Variants in ZNF804B observed in about 807,000 individuals in gnomAD.
ZNF804B encodes zinc finger 804B.
ZNF804B carries 80 observed loss-of-function variants against 101.4 expected under a neutral mutation model. That is an observed-to-expected ratio of 0.79 (90% CI 0.66 to 0.95). The LOEUF is 0.95. Among genes scored for constraint, ZNF804B ranks in the 40% least tolerant of loss-of-function variants. The pLI, the probability that ZNF804B is intolerant of heterozygous loss-of-function variation, is 0.00. For synonymous variants in ZNF804B, 622 were observed against 558.8 expected, an observed-to-expected ratio of 1.11 and a Z score of -1.59; for missense variants, 1,673 against 1,561.9, an observed-to-expected ratio of 1.07 and a Z score of -1.20.
intron 1 of ZNF804B, among the ~76,000 whole-genome samples, chr7:88,791,190 C>G (rs1047157874): frequency 6.6e-6 from 1 of 151,990 alleles, no homozygotes; most frequent in Non-Finnish European, 1.5e-5. Context: ...TTTAAGCTCC[C>G]TTTGATTTAT....
At chr7:88,952,925 T>C (rs1252505399) in intron 1 of ZNF804B, among the ~76,000 whole-genome samples, 4 of 151,754 alleles carry the variant, frequency 2.6e-5, no homozygotes, top group African/African-American at 9.7e-5. Context: ...TGGTACCTGA[T>C]TGATTTGCAA....
At chr7:89,256,095 A>C (rs1267555508) in intron 2 of ZNF804B, among the ~76,000 whole-genome samples, 2 of 152,348 alleles carry the variant, frequency 1.3e-5, no homozygotes, top group South Asian at 2.1e-4. Context: ...ATTTTTCTTA[A>C]AATAATTTAG....
chr7:88,820,199 A>G (rs549535698), intron 1 of ZNF804B, among the ~76,000 whole-genome samples: 5 of 152,338 alleles, frequency 3.3e-5, no homozygotes, highest in South Asian at 2.1e-4. Context: ...CTTTTGTAGG[A>G]TACAGCCAGC....
At chr7:88,967,029 G>C (rs1001706548) in intron 1 of ZNF804B, among the ~76,000 whole-genome samples, 8 of 151,088 alleles carry the variant, frequency 5.3e-5, no homozygotes, top group African/African-American at 1.2e-4. Flanking sequence ...GAAACACCAG[G>C]CTTTTAAATG....
At chr7:88,910,129 A>G (rs944430421) in intron 1 of ZNF804B, among the ~76,000 whole-genome samples, 6 of 151,942 alleles carry the variant, frequency 3.9e-5, no homozygotes, top group Non-Finnish European at 7.4e-5. Context: ...CATACAGGTA[A>G]ACTGTGGAGA....
At chr7:89,136,732 TGTGA>T (rs1163216995) in intron 1 of ZNF804B, among the ~76,000 whole-genome samples, 3 of 114,244 alleles carry the variant, frequency 2.6e-5, no homozygotes, top group Non-Finnish European at 5.1e-5. Flanking sequence ...TTTGTGTGTG[TGTGA>T]GTGTGTGTGT....
chr7:88,987,273 A>G (rs1456466822), intron 1 of ZNF804B, among the ~76,000 whole-genome samples: 1 of 152,148 alleles, frequency 6.6e-6, no homozygotes, highest in African/African-American at 2.4e-5. Flanking sequence ...AAAATTGTTA[A>G]AACCAAGATT....
At chr7:89,187,128 A>G (rs1348680560) in intron 1 of ZNF804B, among the ~76,000 whole-genome samples, 1 of 152,130 alleles carries the variant, frequency 6.6e-6, no homozygotes, top group East Asian at 1.9e-4. Flanking sequence ...CTTAATCTTT[A>G]ACACTAGACT....
intron 1 of ZNF804B, among the ~76,000 whole-genome samples, chr7:89,207,336 T>C (rs1584054239): frequency 6.6e-6 from 1 of 151,830 alleles, no homozygotes; most frequent in South Asian, 2.1e-4. Context: ...TGACAGGAGG[T>C]TAATGAGGAG....
At chr7:88,826,936 A>G (rs1791058976) in intron 1 of ZNF804B, among the ~76,000 whole-genome samples, 1 of 152,122 alleles carries the variant, frequency 6.6e-6, no homozygotes, top group Non-Finnish European at 1.5e-5. Context: ...AAAAGTGAAT[A>G]TGTTTCCAAG....
At chr7:89,061,673 GTTTCA>G (rs1789382298) in intron 1 of ZNF804B, among the ~76,000 whole-genome samples, 1 of 151,992 alleles carries the variant, frequency 6.6e-6, no homozygotes, top group East Asian at 1.9e-4. Flanking sequence ...GCTTCACTCA[GTTTCA>G]TTTCATAAGT....
Position 89,336,557 on chromosome 7 carries a change from C to T in ZNF804B, c.3575C>T (p.Ala1192Val), listed in dbSNP as rs1791095807. 1.2e-6 allele frequency: 2 copies of T among 1,613,974 alleles called. No homozygotes were observed. Among genetic ancestry groups the T allele is most frequent in the Admixed American group, 3.3e-5 (2 of 59,954 alleles). The change falls in exon 4 of 4, where the codon GCC becomes GTC. Residue 1192 changes from alanine to valine, a missense_variant. By Grantham distance (64) the Ala-to-Val change is moderately conservative. Transcript: ENST00000333190. ...PAAGPTAFSP[A>V]STVQTVPVHQ... ...GCAGGGCCTACTGCCTTCTCTCCGG[C>T]CTCAACCGTACAGACAGTTCCAGTT...
At chr7:89,170,465 G>T (rs1224459032) in intron 1 of ZNF804B, among the ~76,000 whole-genome samples, 1 of 152,130 alleles carries the variant, frequency 6.6e-6, no homozygotes, top group Non-Finnish European at 1.5e-5. Flanking sequence ...ATGTGAAAAA[G>T]TAAAGGTTTC....
chr7:88,881,226 T>C (rs542641880), intron 1 of ZNF804B, among the ~76,000 whole-genome samples: 3 of 152,118 alleles, frequency 2.0e-5, no homozygotes, highest in Non-Finnish European at 2.9e-5. Context: ...CTAATTTTCA[T>C]ACAACTTTAT....
At position 89,176,592 on chromosome 7, in the gene ZNF804B, T is replaced by TTTTC. The variant is rs1791326571; in HGVS notation, c.109-41560_109-41559insCTTT. On this transcript the variant is annotated intron_variant, in intron 1 of 3. Transcript: ENST00000333190. ...TTTTTTTTCTTTCTTTCTTTCTTTCTTTTTTTTTTTTTTTTTCATGTTTCC... is the reference window on the plus strand; with the variant it reads ...TTTTTTTTCTTTCTTTCTTTCTTTCTTTTCTTTTTTTTTTTTTTTTCATGTTTCC... Among the ~76,000 whole-genome samples, 3 of 89,362 alleles carry TTTTC rather than the reference T, an allele frequency of 3.4e-5. 1 individual carries two copies. Among genetic ancestry groups the TTTTC allele is most frequent in the Non-Finnish European group, 7.0e-5 (3 of 42,726 alleles). The allele number at this position is 89,362 out of a possible 152,430, so 58.6% of individuals were successfully genotyped here.
chr7:88,848,636 T>A (rs1050681404), intron 1 of ZNF804B, among the ~76,000 whole-genome samples: 5 of 151,618 alleles, frequency 3.3e-5, no homozygotes, highest in African/African-American at 1.2e-4. Flanking sequence ...TTTTTTTTTT[T>A]TTTAAAAAAC....
chr7:89,160,127 T>C (rs1791036889), intron 1 of ZNF804B, among the ~76,000 whole-genome samples: 5 of 152,178 alleles, frequency 3.3e-5, no homozygotes, highest in Admixed American at 3.3e-4. Flanking sequence ...TTAAACATAC[T>C]TCAGAGGAAG....
intron 1 of ZNF804B, among the ~76,000 whole-genome samples, chr7:88,937,937 A>G (rs1163815622): frequency 6.6e-6 from 1 of 152,110 alleles, no homozygotes; most frequent in Non-Finnish European, 1.5e-5. Context: ...TTCTGAGCCA[A>G]ATATGGGTGA....
chr7:89,172,739 T>A (rs145642536), intron 1 of ZNF804B, among the ~76,000 whole-genome samples: 1,554 of 152,288 alleles, frequency 0.01, 36 homozygotes, highest in African/African-American at 0.034. Flanking sequence ...ATTTGAAATT[T>A]AAATCATTTG....
Sources: allele counts gnomAD v4.1 joint callset (sites outside exome capture counted in the v4.1 genomes callset), GRCh38; gene constraint gnomAD v4.1.1; transcripts MANE v1.5; gene names NCBI Gene and HGNC (gene_info 2026-07-23, HGNC 2026-07-21).